PROS1: variants seen among roughly 807,000 people sequenced by gnomAD.
PROS1 encodes the protein protein S.
PROS1 carries 29 observed loss-of-function variants against 75.9 expected under a neutral mutation model. The observed-to-expected ratio is 0.38, with a 90% CI of 0.28 to 0.52. The LOEUF (loss-of-function observed/expected upper bound fraction) is 0.52, where lower values mean the gene tolerates loss of function less well. Among genes scored for constraint, PROS1 ranks in the 20% least tolerant of loss-of-function variants. PROS1 has a pLI of 0.83. For synonymous variants in PROS1, 245 were observed against 280.6 expected (o/e 0.87, Z 1.27); for missense variants, 680 against 810.3 (o/e 0.84, Z 1.95).
chr3:93,956,017 GC>G (rs1289040957), intron 1 of PROS1, among the ~76,000 whole-genome samples: 2 of 152,064 alleles, frequency 1.3e-5, no homozygotes, highest in Non-Finnish European at 2.9e-5. Context: ...CCATGGTTTT[GC>G]TTTAATGTAA....
intron 1 of PROS1, chr3:93,928,622 G>T: frequency 2.0e-6 from 1 of 493,414 alleles, no homozygotes; most frequent in African/African-American, 2.1e-5. Flanking sequence ...GATCTCTGTG[G>T]AGATTGTTGT....
Position 93,874,296 on chromosome 3 carries a change from A to G in PROS1, c.1980T>C (p.Asp660=), listed in dbSNP as rs771787159. ...CTGATGGACATGAGTGAGCTCTAAT[A>G]TCATTATGTTTAGAAATGGCTTCAT... ...DLDEAISKHN[D]IRAHSCPSVW... is the part of the protein sequence containing the mutation. The change falls in exon 15 of 15, where the codon GAT becomes GAC. Residue 660 remains aspartate, a synonymous_variant. Transcript: ENST00000394236. The G allele has an allele frequency of 6.2e-7, 1 of 1,613,512 alleles. No individual in the cohort carries two copies. The highest frequency in any genetic ancestry group is 8.5e-7 in the Non-Finnish European group (1 of 1,179,544).
intron 1 of PROS1, among the ~76,000 whole-genome samples, chr3:93,960,710 G>C (rs1387765001): frequency 6.6e-6 from 1 of 151,722 alleles, no homozygotes; most frequent in East Asian, 1.9e-4. Flanking sequence ...TCAATTTGGA[G>C]ATTTGAGGAT....
Position 93,905,859 on chromosome 3 carries a change from C to A in PROS1, c.526G>T (p.Asp176Tyr), listed in dbSNP as rs774449465. 6.2e-7 allele frequency: 1 copy of A among 1,613,130 alleles called. No homozygotes were observed. Among genetic ancestry groups the A allele is most frequent in the South Asian group, 1.1e-5 (1 of 91,036 alleles). Residue 176 changes from aspartate to tyrosine, a missense_variant, in exon 6 of 15, where the codon GAT becomes TAT. Asp to Tyr is a radical substitution (Grantham distance 160). Coordinates refer to ENST00000394236, the MANE Select transcript of PROS1 (RefSeq NM_000313.4). ...CAGTGGTAACTTCCAGGTGTATTAT[C>A]ACAAATTTGACTGCAACCTCCATTT... ...NINGGCSQICDNTPGSYHCSC... is the reference protein window; with the variant it reads ...NINGGCSQICYNTPGSYHCSC...
intron 1 of PROS1, among the ~76,000 whole-genome samples, chr3:93,971,298 G>C (rs1203817163): frequency 1.3e-5 from 2 of 151,176 alleles, no homozygotes; most frequent in African/African-American, 4.9e-5. Context: ...CAGTGAGCTG[G>C]GATCACGCCA....
Position 93,927,390 on chromosome 3 carries a change from C to A in PROS1, c.94G>T (p.Ala32Ser). The A allele has an allele frequency of 6.2e-7, 1 of 1,614,054 alleles. No individual in the cohort carries two copies. The highest frequency in any genetic ancestry group is 8.5e-7 in the Non-Finnish European group (1 of 1,180,020). ...CGCTTCCTAACCAGGACTTGTGAAGCCTGTTGCTTTGACAAAACTGAAGGA... is the reference window on the plus strand; with the variant it reads ...CGCTTCCTAACCAGGACTTGTGAAGACTGTTGCTTTGACAAAACTGAAGGA... Reference protein sequence around the residue: ...SEANFLSKQQASQVLVRKRRA... With the variant: ...SEANFLSKQQSSQVLVRKRRA... Residue 32 changes from alanine (A) to serine (S), a missense_variant, in exon 2 of 15, where the codon GCT (alanine) becomes TCT (serine). Physicochemically the swap from Ala to Ser is moderately conservative, Grantham distance 99. Coordinates refer to ENST00000394236, the MANE Select transcript of PROS1 (RefSeq NM_000313.4).
intron 14 of PROS1, among the ~76,000 whole-genome samples, chr3:93,875,674 CTATCATCT>C (rs1305848146): frequency 1.9e-4 from 27 of 143,974 alleles, no homozygotes; most frequent in South Asian, 4.3e-4. Context: ...ATCTATCTAT[CTATCATCT>C]ATCTATCTGT....
At position 93,873,652 on chromosome 3, in the gene PROS1, A is replaced by G. The variant is rs1708140561; in HGVS notation, c.*593T>C. On this transcript the variant is annotated 3_prime_UTR_variant, in exon 15 of 15. Coordinates refer to ENST00000394236, the MANE Select transcript of PROS1 (RefSeq NM_000313.4). ...TGCTGCTCTCAGGAAAATATGTCCC[A>G]CTTGTTTTCTAATTCAATAAAGATA... 6.5e-6 allele frequency: 1 copy of G among 153,010 alleles called. No individual in the cohort carries two copies. The highest frequency in any genetic ancestry group is 2.4e-5 in the African/African-American group (1 of 41,454). 9.5% of individuals were successfully genotyped at this position (153,010 alleles called of 1,614,324 possible).
At chr3:93,929,104 AT>A (rs1709068836) in intron 1 of PROS1, among the ~76,000 whole-genome samples, 1 of 152,228 alleles carries the variant, frequency 6.6e-6, no homozygotes, top group Non-Finnish European at 1.5e-5. Context: ...ATATATGCCC[AT>A]GTGCTGGAAA....
At chr3:93,951,493 C>T (rs771003093) in intron 1 of PROS1, among the ~76,000 whole-genome samples, 6 of 152,008 alleles carry the variant, frequency 3.9e-5, no homozygotes, top group South Asian at 2.1e-4. Flanking sequence ...TCCAGCCAAA[C>T]GAAGCTTCAT....
At chr3:93,945,715 C>A (rs1045416415) in intron 1 of PROS1, among the ~76,000 whole-genome samples, 29 of 152,178 alleles carry the variant, frequency 1.9e-4, no homozygotes, top group Middle Eastern at 6.8e-3. Flanking sequence ...ACTGAATGGG[C>A]AAAAATGGAA....
intron 1 of PROS1, among the ~76,000 whole-genome samples, chr3:93,958,007 GA>G: frequency 6.6e-6 from 1 of 152,118 alleles, no homozygotes; most frequent in East Asian, 1.9e-4. Context: ...AGAATCACTT[GA>G]ACCCAGGAAG....
chr3:93,941,716 C>A (rs1415333622), intron 1 of PROS1, among the ~76,000 whole-genome samples: 1 of 152,146 alleles, frequency 6.6e-6, no homozygotes. Context: ...ACCTTGTAGC[C>A]TTTTTGTCCA....
chr3:93,914,036 G>A (rs1708801374), intron 3 of PROS1, among the ~76,000 whole-genome samples: 1 of 152,238 alleles, frequency 6.6e-6, no homozygotes, highest in South Asian at 2.1e-4. Context: ...GCACACAGGG[G>A]TAGGGGCTGA....
At chr3:93,944,624 C>T (rs1203414654) in intron 1 of PROS1, among the ~76,000 whole-genome samples, 5 of 152,172 alleles carry the variant, frequency 3.3e-5, no homozygotes, top group Admixed American at 6.5e-5. Flanking sequence ...AAAGACACAA[C>T]ATACCAGAAT....
At chr3:93,943,880 C>T (rs1576207903) in intron 1 of PROS1, among the ~76,000 whole-genome samples, 1 of 152,200 alleles carries the variant, frequency 6.6e-6, no homozygotes, top group African/African-American at 2.4e-5. Flanking sequence ...ACCCCTGCCC[C>T]TGTCCGCCAG....
intron 6 of PROS1, among the ~76,000 whole-genome samples, chr3:93,902,049 G>C (rs573371222): frequency 6.6e-6 from 1 of 152,194 alleles, no homozygotes; most frequent in South Asian, 2.1e-4. Context: ...CACAGCAGCA[G>C]TGCTGTAATC....
At chr3:93,902,759 A>G (rs184601758) in intron 6 of PROS1, among the ~76,000 whole-genome samples, 3 of 152,150 alleles carry the variant, frequency 2.0e-5, no homozygotes, top group African/African-American at 7.2e-5. Flanking sequence ...CAAAAAAAAA[A>G]AAGAAGAAGA....
intron 1 of PROS1, among the ~76,000 whole-genome samples, chr3:93,960,675 C>A (rs1261909078): frequency 6.6e-6 from 1 of 150,464 alleles, no homozygotes; most frequent in African/African-American, 2.4e-5. Context: ...TTTTGCCAAG[C>A]CATCAAGATT....
Sources: allele counts gnomAD v4.1 joint callset (sites outside exome capture counted in the v4.1 genomes callset), GRCh38; gene constraint gnomAD v4.1.1; transcripts MANE v1.5; gene names NCBI Gene and HGNC (gene_info 2026-07-23, HGNC 2026-07-21).